The following ANKRD31 variants were observed in gnomAD, a reference collection of about 807,000 sequenced individuals.
ANKRD31 encodes ankyrin repeat domain 31, also known as ankyrin repeat domain-containing protein 31.
In ANKRD31, 147 loss-of-function variants were observed where a neutral mutation model predicts 186.0. The observed-to-expected ratio is 0.79, with a 90% confidence interval of 0.69 to 0.91. The LOEUF is 0.91. Ranked by LOEUF, ANKRD31 falls within the 40% of genes least tolerant of loss-of-function variation. The pLI is 0.00. For missense variants in ANKRD31, 1,986 were observed against 2,148.8 expected (o/e 0.92, Z 1.50); for synonymous variants, 673 against 736.4 (o/e 0.91, Z 1.39).
chr5:75,068,639 G>C lies in ANKRD31; in HGVS notation c.5673C>G (p.Ser1891Arg). The change falls in exon 26 of 26, where the codon AGC (serine) becomes AGG (arginine). Residue 1891 changes from serine to arginine, a missense_variant. Transcript: ENST00000506364. ...GQGTSRESMQ[S>R]SPRYLQINEI... ...CATTTATTTGTAGATAACGTGGGCT[G>C]CTTTGCATTGACTCTCTGGAAGTTC... 6.6e-7 allele frequency: 1 copy of C among 1,514,720 alleles called. No homozygotes were observed. Among genetic ancestry groups the C allele is most frequent in the Non-Finnish European group, 8.8e-7 (1 of 1,138,224 alleles). 93.8% of individuals were successfully genotyped at this position (1,514,720 alleles called of 1,614,324 possible).
At chr5:75,222,422 C>A in intron 2 of ANKRD31, 64 bp from the exon 3 acceptor site, 4 of 1,167,156 alleles carry the variant, frequency 3.4e-6, no homozygotes, top group East Asian at 2.7e-5. Context: ...GATAATGGCC[C>A]AATAATTTTA....
In ANKRD31 at chr5:75,104,236, T is replaced by C. The variant is rs1747141833; in HGVS notation, c.5323A>G (p.Lys1775Glu). Residue 1775 changes from lysine (K) to glutamate (E), a missense_variant, in exon 22 of 26, where the codon AAA becomes GAA. Lys to Glu is a moderately conservative substitution (Grantham distance 56, BLOSUM62 1). Transcript: ENST00000506364. ...INPGNNILEF[K>E]TQETTHKASI... is the part of the protein sequence containing the mutation. ...AAAAAAATATAGAATACCTGTGTTT[T>C]GAATTCCAGAATGTTATTTCCTGGG... 6.7e-7 allele frequency: 1 copy of C among 1,499,670 alleles called. No homozygotes were observed. Among genetic ancestry groups the C allele is most frequent in the East Asian group, 2.5e-5 (1 of 40,578 alleles). 92.9% of individuals were successfully genotyped at this position (1,499,670 alleles called of 1,614,324 possible).
chr5:75,102,888 G>A (rs894094382), intron 22 of ANKRD31, among the ~76,000 whole-genome samples: 5 of 152,180 alleles, frequency 3.3e-5, no homozygotes, highest in African/African-American at 1.2e-4. Context: ...TCCTGGTGAG[G>A]TGATGCCCCA....
intron 17 of ANKRD31, among the ~76,000 whole-genome samples, chr5:75,120,707 CAA>C (rs1561442482): frequency 6.6e-6 from 1 of 151,856 alleles, no homozygotes; most frequent in East Asian, 1.9e-4. Flanking sequence ...AATGAAGAAA[CAA>C]AGAATCTATA....
Position 75,195,864 on chromosome 5 carries a change from T to C in ANKRD31, c.784A>G (p.Ile262Val), listed in dbSNP as rs1423508061. Reference sequence around the variant, plus strand: ...GACCAGGAATTCAAAGGTATTGATATGGAACTAAGAGAGTCACTCAATGGG... The same window carrying C: ...GACCAGGAATTCAAAGGTATTGATACGGAACTAAGAGAGTCACTCAATGGG... ...MNPLSDSLSS[I>V]SIPLNSWSAC... Residue 262 changes from isoleucine to valine, a missense_variant, in exon 7 of 26, where the codon ATA becomes GTA. Ile to Val is a conservative substitution (Grantham distance 29, BLOSUM62 3). Coordinates refer to ENST00000506364, the MANE Select transcript of ANKRD31 (RefSeq NM_001372053.1). 6.5e-7 allele frequency: 1 copy of C among 1,532,662 alleles called. No homozygotes were observed. Among genetic ancestry groups the C allele is most frequent in the Non-Finnish European group, 8.7e-7 (1 of 1,146,472 alleles). The allele number at this position is 1,532,662 out of a possible 1,614,324, so 94.9% of individuals were successfully genotyped here. A position where few individuals can be genotyped will look rare whatever the true frequency, so the allele number is the denominator to read the frequency against.
At chr5:75,118,382 T>A (rs780195286) in intron 17 of ANKRD31, 85 bp from the exon 18 acceptor site, 52 of 1,181,638 alleles carry the variant, frequency 4.4e-5, no homozygotes, top group Non-Finnish European at 5.5e-5. Flanking sequence ...CTGCCAAGCA[T>A]TAAAAGCTAT....
intron 8 of ANKRD31, 81 bp from the exon 9 acceptor site, chr5:75,192,857 A>C (rs1261335740): frequency 6.0e-5 from 66 of 1,091,014 alleles, no homozygotes; most frequent in Non-Finnish European, 8.4e-5. Context: ...TTTTGAATAC[A>C]ATATTAAAAC....
intron 1 of ANKRD31, among the ~76,000 whole-genome samples, chr5:75,231,439 G>C (rs750847980): frequency 2.0e-5 from 3 of 152,026 alleles, no homozygotes; most frequent in Non-Finnish European, 2.9e-5. Context: ...CGTTAACAAA[G>C]AGAGAAGACA....
At chr5:75,089,870 T>C (rs1745798644) in intron 23 of ANKRD31, among the ~76,000 whole-genome samples, 1 of 152,218 alleles carries the variant, frequency 6.6e-6, no homozygotes, top group Admixed American at 6.5e-5. Flanking sequence ...CAATGAGATA[T>C]GTAAATGAGG....
chr5:75,168,999 C>T lies in ANKRD31; in HGVS notation c.1687G>A (p.Val563Met), dbSNP rs1324693391. The T allele has an allele frequency of 2.6e-6, 4 of 1,536,164 alleles. No individual in the cohort carries two copies. In the Admixed American group the frequency reaches 7.9e-5, roughly 30 times the overall value. The change falls in exon 11 of 26, where the codon GTG (valine) becomes ATG (methionine). Residue 563 changes from valine to methionine, a missense_variant. Val to Met is a conservative substitution (Grantham distance 21). Transcript: ENST00000506364. The part of the protein sequence containing the change: ...LYQITPLHDA[V>M]MNGHYKVAEL... The stretch of plus-strand genomic sequence containing the variant: ...AGTACCTTATAATGTCCATTCATCA[C>T]TGCATCATGTAGGGGAGTAATCTGG...
chr5:75,206,526 A>G (rs1445004309), intron 4 of ANKRD31, 39 bp from the exon 5 acceptor site: 4 of 1,173,654 alleles, frequency 3.4e-6, no homozygotes, highest in Non-Finnish European at 4.5e-6. Flanking sequence ...TTAAAATGGA[A>G]GAAAAAATAG....
At chr5:75,122,695 A>C (rs1019438575) in intron 17 of ANKRD31, among the ~76,000 whole-genome samples, 2 of 152,200 alleles carry the variant, frequency 1.3e-5, no homozygotes, top group African/African-American at 4.8e-5. Context: ...TAATCATTTC[A>C]ATAGATGTGG....
At chr5:75,214,528 G>T (rs1363579) in intron 3 of ANKRD31, among the ~76,000 whole-genome samples, 77,248 of 152,038 alleles carry the variant, frequency 0.51, 22,680 homozygotes, top group African/African-American at 0.82. Context: ...ACCTGCCCAC[G>T]GGGGCTTTAA....
At chr5:75,118,019 A>T in intron 18 of ANKRD31, 116 bp downstream of exon 18, 1 of 795,548 alleles carries the variant, frequency 1.3e-6, no homozygotes. Flanking sequence ...TGAAGAGTTT[A>T]ATAAACATAG....
chr5:75,115,395 G>A (rs1293733057), intron 19 of ANKRD31, among the ~76,000 whole-genome samples: 49 of 152,230 alleles, frequency 3.2e-4, no homozygotes, highest in East Asian at 9.7e-4. Flanking sequence ...AACAAAAGCC[G>A]AAATAGACAA....
intron 2 of ANKRD31, among the ~76,000 whole-genome samples, chr5:75,224,491 T>TAC (rs986821417): frequency 4.0e-5 from 6 of 151,876 alleles, no homozygotes; most frequent in African/African-American, 1.2e-4. Context: ...AAAATGGACA[T>TAC]ACACACACAC....
chr5:75,229,884 AAAACAAAAAAAAC>A (rs1235935663), intron 2 of ANKRD31, among the ~76,000 whole-genome samples: 7 of 85,114 alleles, frequency 8.2e-5, no homozygotes, highest in African/African-American at 6.9e-4. Context: ...AAAAAAAAAA[AAAACAAAAAAAAC>A]ATCAATTCCC....
chr5:75,218,367 C>T (rs752311766), intron 3 of ANKRD31, among the ~76,000 whole-genome samples: 44 of 152,068 alleles, frequency 2.9e-4, no homozygotes, highest in Non-Finnish European at 5.4e-4. Flanking sequence ...AATTCCTGGA[C>T]GTATACATCC....
In ANKRD31 at chr5:75,109,695, G is replaced by A. The variant is rs112899807; in HGVS notation, c.4244-2078C>T. On this transcript the variant is annotated intron_variant, in intron 20 of 25. Transcript: ENST00000506364. The stretch of plus-strand genomic sequence containing the variant: ...CAAAAGAAAGTTGCTGCTGAGCTGA[G>A]AAGTAATTGTCTTCCCTTCTAACAA... Among the ~76,000 whole-genome samples the A allele has an allele frequency of 6.4e-3, 967 of 152,280 alleles. 4 individuals are homozygous for A. The highest frequency in any genetic ancestry group is 0.01 in the Non-Finnish European group (691 of 68,022).
Sources: allele counts gnomAD v4.1 joint callset (sites outside exome capture counted in the v4.1 genomes callset), GRCh38; gene constraint gnomAD v4.1.1; transcripts MANE v1.5; gene names NCBI Gene and HGNC (gene_info 2026-07-23, HGNC 2026-07-21).